BCAR3: variants seen among roughly 807,000 people sequenced by gnomAD.
The protein encoded by BCAR3 is BCAR3 adaptor protein, NSP family member.
Under a neutral mutation model 80.1 loss-of-function variants are expected in BCAR3, and 37 were observed. That is an observed-to-expected ratio of 0.46 (90% confidence interval 0.36 to 0.61). The LOEUF is 0.61. Ranked by LOEUF, BCAR3 falls within the 20% of genes least tolerant of loss-of-function variation. The pLI, the probability that BCAR3 is intolerant of heterozygous loss-of-function variation, is 0.00. For synonymous variants in BCAR3, 389 were observed against 418.9 expected, an observed-to-expected ratio of 0.93 and a Z score of 0.87; for missense variants, 978 against 1,068.2, an observed-to-expected ratio of 0.92 and a Z score of 1.18.
chr1:93,797,181 T>A (rs1426224871), intron 2 of BCAR3, among the ~76,000 whole-genome samples: 1 of 152,216 alleles, frequency 6.6e-6, no homozygotes, highest in Non-Finnish European at 1.5e-5. Flanking sequence ...TTTTTCTGAT[T>A]GTTGGGCTTT....
At chr1:93,696,400 G>A (rs903638076) in intron 3 of BCAR3, among the ~76,000 whole-genome samples, 21 of 151,964 alleles carry the variant, frequency 1.4e-4, no homozygotes, top group African/African-American at 4.6e-4. Context: ...ATTTCTACCC[G>A]CACACAAATA....
intron 2 of BCAR3, among the ~76,000 whole-genome samples, chr1:93,661,413 C>T (rs1647649230): frequency 6.6e-6 from 1 of 151,830 alleles, no homozygotes; most frequent in Non-Finnish European, 1.5e-5. Context: ...AACTCCTGAC[C>T]TCAAGTGATC....
intron 2 of BCAR3, among the ~76,000 whole-genome samples, chr1:93,743,339 G>A (rs1020418673): frequency 1.3e-5 from 2 of 152,140 alleles, no homozygotes; most frequent in African/African-American, 4.8e-5. Flanking sequence ...GAAAAATTGA[G>A]TCCAGAAAAA....
chr1:93,711,874 C>T (rs1002778240), intron 2 of BCAR3, among the ~76,000 whole-genome samples: 1 of 152,138 alleles, frequency 6.6e-6, no homozygotes, highest in Non-Finnish European at 1.5e-5. Context: ...TTGCATAGAA[C>T]TCTACTAGAT....
At chr1:93,642,914 C>G (rs1054066264) in intron 2 of BCAR3, among the ~76,000 whole-genome samples, 2 of 152,218 alleles carry the variant, frequency 1.3e-5, no homozygotes, top group African/African-American at 4.8e-5. Context: ...TCCTACTGTT[C>G]TGTGTGCCCA....
chr1:93,577,852 C>T (rs1673518529), intron 7 of BCAR3, among the ~76,000 whole-genome samples: 1 of 152,144 alleles, frequency 6.6e-6, no homozygotes, highest in African/African-American at 2.4e-5. Context: ...AGATGGGCGG[C>T]GGCCCCTGCT....
intron 1 of BCAR3, among the ~76,000 whole-genome samples, chr1:93,676,556 G>A (rs561917030): frequency 6.6e-6 from 1 of 152,310 alleles, no homozygotes; most frequent in Admixed American, 6.5e-5. Context: ...CAGAACAATA[G>A]GACAGAGTCC....
intron 3 of BCAR3, among the ~76,000 whole-genome samples, chr1:93,625,528 G>A (rs772887148): frequency 6.6e-6 from 1 of 152,184 alleles, no homozygotes; most frequent in Middle Eastern, 3.2e-3. Context: ...CAGTCCATCA[G>A]TTTCCTTATT....
intron 2 of BCAR3, among the ~76,000 whole-genome samples, chr1:93,739,825 A>C (rs1651116900): frequency 6.6e-6 from 1 of 152,168 alleles, no homozygotes; most frequent in African/African-American, 2.4e-5. Flanking sequence ...ACCTGAGGTC[A>C]GGAGTTTGAG....
intron 3 of BCAR3, among the ~76,000 whole-genome samples, chr1:93,598,620 A>C (rs115900454): frequency 0.011 from 1,603 of 152,314 alleles, 30 homozygotes; most frequent in African/African-American, 0.036. Context: ...CACAAAGAAC[A>C]GTTTAACACA....
intron 3 of BCAR3, among the ~76,000 whole-genome samples, chr1:93,621,307 G>A (rs934646451): frequency 6.6e-6 from 1 of 152,228 alleles, no homozygotes; most frequent in African/African-American, 2.4e-5. Flanking sequence ...AATCAGTCCA[G>A]ATGAGGAGTT....
intron 9 of BCAR3, among the ~76,000 whole-genome samples, chr1:93,569,466 G>A (rs1673115463): frequency 6.6e-6 from 1 of 152,164 alleles, no homozygotes; most frequent in Non-Finnish European, 1.5e-5. Context: ...GTAGACCCCT[G>A]CTCCCTACAC....
At chr1:93,716,916 G>A (rs1490923137) in intron 2 of BCAR3, among the ~76,000 whole-genome samples, 2 of 152,212 alleles carry the variant, frequency 1.3e-5, no homozygotes, top group African/African-American at 4.8e-5. Flanking sequence ...TGCACGAGTG[G>A]TGAAGCTGTA....
chr1:93,672,810 T>A (rs905115633), intron 2 of BCAR3, among the ~76,000 whole-genome samples: 3 of 152,210 alleles, frequency 2.0e-5, no homozygotes, highest in African/African-American at 7.2e-5. Flanking sequence ...TAGTGGTTTC[T>A]ATGGAGATTA....
rs750363318 is a variant in BCAR3 at position 93,567,695 on chromosome 1, C to G, written c.2086+45G>C. ...ACATGCCCTGTGTACTTGTACTCCA[C>G]TCCCCAGCGGGGTAGCCCCATGCTT... On this transcript the variant is annotated intron_variant, in intron 10 of 11. Coordinates refer to ENST00000260502, the MANE Select transcript of BCAR3 (RefSeq NM_003567.4). The G allele has an allele frequency of 1.5e-5, 23 of 1,558,602 alleles. No individual in the cohort carries two copies. The Admixed American group carries it at 3.9e-4, about 26-fold the overall frequency.
intron 2 of BCAR3, among the ~76,000 whole-genome samples, chr1:93,805,428 C>T (rs984716622): frequency 3.5e-4 from 54 of 152,214 alleles, no homozygotes; most frequent in African/African-American, 1.2e-3. Flanking sequence ...CAGTTGACAC[C>T]CTCGCTTGTA....
intron 2 of BCAR3, among the ~76,000 whole-genome samples, chr1:93,800,436 C>T (rs1389781444): frequency 2.0e-5 from 3 of 152,074 alleles, no homozygotes; most frequent in African/African-American, 2.4e-5. Context: ...ATTAGCTGGG[C>T]GTGGTGGTGT....
intron 3 of BCAR3, chr1:93,599,566 C>T (rs1188727831): frequency 8.1e-6 from 1 of 123,550 alleles, no homozygotes; most frequent in South Asian, 2.1e-4. Context: ...TAAAAAGATA[C>T]TTTTAGAGAG....
chr1:93,637,129 G>A (rs1675807571), intron 3 of BCAR3, among the ~76,000 whole-genome samples: 1 of 151,750 alleles, frequency 6.6e-6, no homozygotes, highest in African/African-American at 2.4e-5. Context: ...CACTAGTCTT[G>A]AGGCTAAAAG....
Sources: allele counts gnomAD v4.1 joint callset (sites outside exome capture counted in the v4.1 genomes callset), GRCh38; gene constraint gnomAD v4.1.1; transcripts MANE v1.5; gene names NCBI Gene and HGNC (gene_info 2026-07-23, HGNC 2026-07-21).